Variants in ANKRD17 observed in about 807,000 individuals in gnomAD.
ANKRD17 encodes the protein ankyrin repeat domain-containing protein 17.
In ANKRD17, 19 loss-of-function variants were observed where a neutral mutation model predicts 229.7. The observed-to-expected ratio is 0.08, with a 90% CI of 0.06 to 0.12. The LOEUF is 0.12. ANKRD17 is among the 10% of genes least tolerant of loss of function. The pLI, the probability that ANKRD17 is intolerant of heterozygous loss-of-function variation, is 1.00. For missense variants in ANKRD17, 2,176 were observed against 3,176.8 expected (o/e 0.68, Z 7.57); for synonymous variants, 1,112 against 1,146.1 (o/e 0.97, Z 0.60).
In ANKRD17 at chr4:73,120,897, A is replaced by G. The variant is rs1726643982; in HGVS notation, c.3833T>C (p.Val1278Ala). Residue 1278 changes from valine (V) to alanine (A), a missense_variant, in exon 20 of 34, where the codon GTT (valine) becomes GCT (alanine). Around this residue, in one of 18 missense-constraint regions of ANKRD17, gnomAD observed 178 missense variants for 421.7 expected, o/e 0.42. Transcript: ENST00000358602. ...TTTTCTTACCTTAGCTCTGTGTTCA[A>G]CATTTGCTTTTCTATCAAGCAGAAG... ...VSLLLDRKANVEHRAKTGLTP... is the reference protein window; with the variant it reads ...VSLLLDRKANAEHRAKTGLTP... 2 of 1,613,296 alleles carry G rather than the reference A, an allele frequency of 1.2e-6. No homozygotes were observed. The highest frequency in any genetic ancestry group is 2.7e-5 in the African/African-American group (2 of 74,784).
In ANKRD17 at chr4:73,078,904, A is replaced by G. The variant is rs1196633884; in HGVS notation, c.7160-14T>C. ...GTGCAGAAGAATCTAGAGAAGAGAT[A>G]TTTTGAAATAAAATACAGGTCATCT... On this transcript the variant is annotated splice_polypyrimidine_tract_variant and intron_variant, in intron 30 of 33. Coordinates refer to ENST00000358602, the MANE Select transcript of ANKRD17 (RefSeq NM_032217.5). 6.2e-7 allele frequency: 1 copy of G among 1,603,138 alleles called. No individual in the cohort carries two copies. Among genetic ancestry groups the G allele is most frequent in the Non-Finnish European group, 8.5e-7 (1 of 1,174,966 alleles).
chr4:73,127,527 C>T lies in ANKRD17; in HGVS notation c.3235-2215G>A, dbSNP rs1264764310. 2.0e-5 allele frequency among the ~76,000 whole-genome samples: 3 copies of T among 152,210 alleles called. No homozygotes were observed. The East Asian group carries it at 5.8e-4, about 29-fold the overall frequency. On this transcript the variant is annotated intron_variant, in intron 16 of 33. Transcript: ENST00000358602. The stretch of plus-strand genomic sequence containing the variant: ...TTCCCTCACTTTCACATATGTATCT[C>T]TATTATAGTACTTATCACCAATCTG...
chr4:73,258,713 C>G lies in ANKRD17; in HGVS notation c.-45G>C, dbSNP rs1461055386. 7.1e-7 allele frequency: 1 copy of G among 1,403,640 alleles called. No homozygotes were observed. The highest frequency in any genetic ancestry group is 9.2e-7 in the Non-Finnish European group (1 of 1,090,152). The allele number at this position is 1,403,640 out of a possible 1,614,324, so 86.9% of individuals were successfully genotyped here. On this transcript the variant is annotated 5_prime_UTR_variant, in exon 1 of 34. Coordinates refer to ENST00000358602, the MANE Select transcript of ANKRD17 (RefSeq NM_032217.5). ...GCGCGGACGGGGGAGGGGCGTGGGG[C>G]TACGCTCTACCGCGACTTCGGCCGC... is the stretch of plus-strand genomic sequence containing the variant.
chr4:73,183,343 T>C (rs922803168), intron 1 of ANKRD17, among the ~76,000 whole-genome samples: 10 of 152,196 alleles, frequency 6.6e-5, no homozygotes, highest in Non-Finnish European at 1.5e-4. Flanking sequence ...TACTGAAGTA[T>C]GAAGGAATAG....
At chr4:73,174,044 A>AGGAGG (rs1734388802) in intron 2 of ANKRD17, among the ~76,000 whole-genome samples, 2 of 133,808 alleles carry the variant, frequency 1.5e-5, no homozygotes, top group African/African-American at 2.8e-5. Context: ...AAGAAAGGAG[A>AGGAGG]GGAGGGGAGG....
chr4:73,224,583 CATATT>C (rs1560756661), intron 1 of ANKRD17, among the ~76,000 whole-genome samples: 1 of 152,066 alleles, frequency 6.6e-6, no homozygotes, highest in African/African-American at 2.4e-5. Flanking sequence ...AAAAAATAAA[CATATT>C]ATTTATCCTC....
chr4:73,239,511 A>T (rs1743814007), intron 1 of ANKRD17, among the ~76,000 whole-genome samples: 1 of 152,198 alleles, frequency 6.6e-6, no homozygotes. Context: ...TGGAATATTA[A>T]TTTAAAAAGA....
intron 31 of ANKRD17, 96 bp downstream of exon 31, chr4:73,078,546 A>G: frequency 7.2e-7 from 1 of 1,396,506 alleles, no homozygotes; most frequent in South Asian, 1.5e-5. Context: ...CAAAAAAAGA[A>G]AAAAAAAAAG....
Position 73,118,734 on chromosome 4 carries a change from G to C in ANKRD17, c.4142C>G (p.Ala1381Gly), listed in dbSNP as rs1253975454. ...LLVQAGADVD[A>G]ADNRKITPLM... is the part of the protein sequence containing the mutation. ...AGGAGTTATCTTGCGGTTATCTGCT[G>C]CATCCACATCTGCACCTGCTTGCAC... The change falls in exon 22 of 34, where the codon GCA becomes GGA. Residue 1381 changes from alanine (A) to glycine (G), a missense_variant. By Grantham distance (60) the Ala-to-Gly change is moderately conservative. This residue lies in a region of ANKRD17 where 178 missense variants were observed against 421.7 expected (regional missense o/e 0.42). Transcript: ENST00000358602. 7 of 1,614,056 alleles carry C rather than the reference G, an allele frequency of 4.3e-6. No homozygotes were observed. The East Asian group carries it at 1.6e-4, about 36-fold the overall frequency.
intron 1 of ANKRD17, among the ~76,000 whole-genome samples, chr4:73,179,518 A>ATATATATTTTTTTTT (rs1192164276): frequency 4.9e-5 from 2 of 40,784 alleles, no homozygotes; most frequent in Non-Finnish European, 9.2e-5. Context: ...ATATATATAT[A>ATATATATTTTTTTTT]TTTTTTTTTT....
Position 73,233,513 on chromosome 4 carries a change from CATGTATTCCAG to C in ANKRD17, c.393+24752_393+24762del, listed in dbSNP as rs530133297. ...AGACATTACTACTTGAAGAAATGTT[CATGTATTCCAG>C]ACTAATAGAACTTGAATTTCCTTCT... On this transcript the variant is annotated intron_variant, in intron 1 of 33. Transcript: ENST00000358602. Among the ~76,000 whole-genome samples the C allele has an allele frequency of 1.2e-3, 177 of 152,206 alleles. 1 individual carries two copies. Among genetic ancestry groups the C allele is most frequent in the African/African-American group, 3.9e-3 (163 of 41,538 alleles).
intron 24 of ANKRD17, among the ~76,000 whole-genome samples, chr4:73,108,847 T>A (rs1724954198): frequency 6.6e-6 from 1 of 152,160 alleles, no homozygotes. Context: ...GTCAAAAGGT[T>A]TTCTGTGTTT....
chr4:73,156,054 A>C lies in ANKRD17; in HGVS notation c.817T>G (p.Leu273Val). ...HTEEGESLLCLACSAGYYELA... is the reference protein window; with the variant it reads ...HTEEGESLLCVACSAGYYELA... ...TCATAGTATCCAGCAGAACAAGCTA[A>C]ACAAAGGAGGCTCTCCCCTTCCTCT... Residue 273 changes from leucine (L) to valine (V), a missense_variant, in exon 4 of 34, where the codon TTA (leucine) becomes GTA (valine). By Grantham distance (32) the Leu-to-Val change is conservative. Around this residue, in one of 18 missense-constraint regions of ANKRD17, gnomAD observed 184 missense variants for 357.8 expected, o/e 0.51. Coordinates refer to ENST00000358602, the MANE Select transcript of ANKRD17 (RefSeq NM_032217.5). 1.2e-6 allele frequency: 2 copies of C among 1,610,348 alleles called. No homozygotes were observed. The highest frequency in any genetic ancestry group is 1.7e-6 in the Non-Finnish European group (2 of 1,179,006).
chr4:73,141,964 T>C (rs1295201946), intron 13 of ANKRD17, 121 bp from the exon 14 acceptor site: 1 of 892,778 alleles, frequency 1.1e-6, no homozygotes, highest in Non-Finnish European at 1.7e-6. Flanking sequence ...TCTTAGACAA[T>C]GACATATTTA....
intron 1 of ANKRD17, among the ~76,000 whole-genome samples, chr4:73,179,536 A>T (rs1292351185): frequency 1.0e-4 from 4 of 38,142 alleles, no homozygotes; most frequent in African/African-American, 2.2e-4. Context: ...TTTTTTTTTT[A>T]AAGAGACATG....
chr4:73,119,864 G>T (rs1331480045), intron 21 of ANKRD17, among the ~76,000 whole-genome samples: 1 of 152,166 alleles, frequency 6.6e-6, no homozygotes, highest in African/African-American at 2.4e-5. Context: ...CTTGTGTGTG[G>T]GGGATGTAAG....
chr4:73,086,919 A>AAAATATAT (rs1553911000), intron 29 of ANKRD17, among the ~76,000 whole-genome samples: 11 of 12,464 alleles, frequency 8.8e-4, no homozygotes, highest in East Asian at 1.7e-3. Context: ...AAAAAAAAAA[A>AAAATATAT]ATATATATAT....
chr4:73,108,239 G>A (rs1034649137), intron 24 of ANKRD17, among the ~76,000 whole-genome samples: 5 of 152,130 alleles, frequency 3.3e-5, no homozygotes, highest in Admixed American at 2.0e-4. Context: ...GGTTTGGGGT[G>A]GGCAAGGATC....
intron 22 of ANKRD17, among the ~76,000 whole-genome samples, chr4:73,116,797 T>C (rs934805604): frequency 1.3e-5 from 2 of 151,824 alleles, no homozygotes; most frequent in Non-Finnish European, 2.9e-5. Context: ...TATATACATA[T>C]ATAGACAATA....
Sources: gnomAD v4.1 joint callset for allele counts (sites outside exome capture counted in the v4.1 genomes callset) on GRCh38, gnomAD v4.1.1 for gene constraint, gnomAD v4.1.1 regional missense constraint, MANE v1.5 for transcripts, NCBI Gene and HGNC (gene_info 2026-07-23, HGNC 2026-07-21) for gene names.